The following MTSS2 variants were observed in gnomAD, a reference collection of about 807,000 sequenced individuals.
MTSS2 encodes protein MTSS 2.
A neutral mutation model predicts 67.1 loss-of-function variants in MTSS2; 27 were observed. That is an observed-to-expected ratio of 0.40 (90% CI 0.30 to 0.55). MTSS2 has a LOEUF of 0.55. Among genes scored for constraint, MTSS2 ranks in the 20% least tolerant of loss-of-function variants. The pLI is 0.43. For synonymous variants in MTSS2, 624 were observed against 468.6 expected (o/e 1.33, Z -4.28); for missense variants, 1,171 against 1,067.8 (o/e 1.10, Z -1.35).
chr16:70,664,502 A>C, intron 14 of MTSS2, 53 bp from the exon 15 acceptor site: 1 of 1,549,804 alleles, frequency 6.5e-7, no homozygotes, highest in South Asian at 1.2e-5. Flanking sequence ...CCTTGCCCCC[A>C]GCCCACCAGG....
In MTSS2 at chr16:70,663,852, T is replaced by C; in HGVS notation, c.2069A>G (p.Glu690Gly). 1 of 1,539,426 alleles carries C rather than the reference T, an allele frequency of 6.5e-7. No individual in the cohort carries two copies. Among genetic ancestry groups the C allele is most frequent in the Non-Finnish European group, 8.7e-7 (1 of 1,144,950 alleles). The change falls in exon 15 of 15, where the codon GAG becomes GGG. Residue 690 changes from glutamate to glycine, a missense_variant. Glu to Gly is a moderately conservative substitution (Grantham distance 98). Around this residue, in one of 2 missense-constraint regions of MTSS2, gnomAD observed 924 missense variants for 756.0 expected, o/e 1.22. Transcript: ENST00000338779. ...AGCAGTGGGGAAGGGGAACTGGCCCTCACCCAGTGCGTGGGCACCCGCCAC... is the reference window on the plus strand; with the variant it reads ...AGCAGTGGGGAAGGGGAACTGGCCCCCACCCAGTGCGTGGGCACCCGCCAC... Reference protein sequence around the residue: ...ELVAGAHALGEGQFPFPTALS... With the variant: ...ELVAGAHALGGGQFPFPTALS...
intron 11 of MTSS2, among the ~76,000 whole-genome samples, chr16:70,667,169 G>A (rs2052744792): frequency 6.6e-6 from 1 of 151,416 alleles, no homozygotes; most frequent in South Asian, 2.1e-4. Context: ...TACACAGGAA[G>A]CTGAGGCAGG....
chr16:70,681,516 G>A (rs116601370), intron 1 of MTSS2, among the ~76,000 whole-genome samples: 1 of 152,178 alleles, frequency 6.6e-6, no homozygotes, highest in African/African-American at 2.4e-5. Flanking sequence ...GGTGTAGACT[G>A]GGGCCTCCGG....
chr16:70,675,433 C>CCCA (rs2053086682), intron 10 of MTSS2, among the ~76,000 whole-genome samples: 1 of 152,136 alleles, frequency 6.6e-6, no homozygotes. Context: ...ACAATGACAA[C>CCCA]AAAACCCAAA....
In MTSS2 at chr16:70,685,815, C is replaced by T; in HGVS notation, c.-24G>A. On this transcript the variant is annotated 5_prime_UTR_variant, in exon 1 of 15. Coordinates refer to ENST00000338779, the MANE Select transcript of MTSS2 (RefSeq NM_138383.3). ...ATGCTCTGGCTGGGCCGGGCCGCGGCGGCGGCTAGGCGCACGGAGCGCGGG... is the reference window on the plus strand; with the variant it reads ...ATGCTCTGGCTGGGCCGGGCCGCGGTGGCGGCTAGGCGCACGGAGCGCGGG... 2.4e-6 allele frequency: 3 copies of T among 1,270,396 alleles called. No individual in the cohort carries two copies. Among genetic ancestry groups the T allele is most frequent in the South Asian group, 1.6e-5 (1 of 60,732 alleles). The allele number at this position is 1,270,396 out of a possible 1,614,324, so 78.7% of individuals were successfully genotyped here.
At position 70,663,558 on chromosome 16, in the gene MTSS2, T is replaced by C. The variant is rs1165797681; in HGVS notation, c.*119A>G. 7.0e-7 allele frequency: 1 copy of C among 1,424,272 alleles called. No homozygotes were observed. The highest frequency in any genetic ancestry group is 1.5e-5 in the African/African-American group (1 of 68,770). The allele number at this position is 1,424,272 out of a possible 1,614,324, so 88.2% of individuals were successfully genotyped here. A position where few individuals can be genotyped will look rare whatever the true frequency, so the allele number is the denominator to read the frequency against. On this transcript the variant is annotated 3_prime_UTR_variant, in exon 15 of 15. Transcript: ENST00000338779. Reference sequence around the variant, plus strand: ...TGAGGTGTCTTTCCATAAAGTGGCATGGCCTCTGCCCTGGCTCTGTCCTCT... The same window carrying C: ...TGAGGTGTCTTTCCATAAAGTGGCACGGCCTCTGCCCTGGCTCTGTCCTCT...
chr16:70,665,196 C>G (rs755162045), intron 12 of MTSS2, 100 bp from the exon 13 acceptor site: 1 of 1,360,154 alleles, frequency 7.4e-7, no homozygotes, highest in Non-Finnish European at 9.8e-7. Context: ...CCAGGGCTAT[C>G]AGGGGGTCTC....
Position 70,664,676 on chromosome 16 carries a change from C to T in MTSS2, c.1393G>A (p.Asp465Asn). The change falls in exon 14 of 15, where the codon GAC becomes AAC. Residue 465 changes from aspartate to asparagine, a missense_variant. By Grantham distance (23) the Asp-to-Asn change is conservative. Around this residue, in one of 2 missense-constraint regions of MTSS2, gnomAD observed 924 missense variants for 756.0 expected, o/e 1.22. Coordinates refer to ENST00000338779, the MANE Select transcript of MTSS2 (RefSeq NM_138383.3). ...LSLEHQKSSR[D>N]SLQYSSGYST... ...TAGCCGCTGGAGTACTGCAGCGAGT[C>T]CCGGCTGCTCTTCTGGTGCTCCAGG... 4 of 1,613,354 alleles carry T rather than the reference C, an allele frequency of 2.5e-6. No homozygotes were observed. The highest frequency in any genetic ancestry group is 3.4e-6 in the Non-Finnish European group (4 of 1,179,898).
intron 1 of MTSS2, among the ~76,000 whole-genome samples, chr16:70,684,175 G>T (rs1295527914): frequency 2.6e-5 from 4 of 152,112 alleles, no homozygotes; most frequent in African/African-American, 9.7e-5. Flanking sequence ...TGGGTGGTGG[G>T]GTGCGGGAAG....
At chr16:70,679,940 GC>G in intron 4 of MTSS2, 30 bp downstream of exon 4, 6 of 573,662 alleles carry the variant, frequency 1.0e-5, no homozygotes, top group South Asian at 3.4e-5. Context: ...CCGTCCCCCC[GC>G]CCCCCTGCCC....
intron 10 of MTSS2, 67 bp from the exon 11 acceptor site, chr16:70,674,595 G>T (rs1163672684): frequency 1.4e-6 from 2 of 1,430,916 alleles, no homozygotes; most frequent in African/African-American, 2.8e-5. Context: ...GTTTGGGGGA[G>T]GTTGACAAAC....
rs80045606 is a variant in MTSS2 at position 70,662,739 on chromosome 16, C to T, written c.*938G>A. The T allele has an allele frequency of 6.8e-3, 1,042 of 152,776 alleles. 7 individuals are homozygous for T. The highest frequency in any genetic ancestry group is 9.9e-3 in the Non-Finnish European group (677 of 68,074). 9.5% of individuals were successfully genotyped at this position (152,776 alleles called of 1,614,324 possible). On this transcript the variant is annotated 3_prime_UTR_variant, in exon 15 of 15. Transcript: ENST00000338779. ...CTCCCCCACACTTAGTCCTCGTCCA[C>T]AGTCAGCTCCATTTTATTATATTCA... is the stretch of plus-strand genomic sequence containing the variant.
At position 70,661,348 on chromosome 16, in the gene MTSS2, A is replaced by G. The variant is rs1421918252; in HGVS notation, c.*2329T>C. ...TTTTTCCAAAATCTGACGGAAAGAA[A>G]AGAAACAAATGGTTCAGATGGGACG... On this transcript the variant is annotated 3_prime_UTR_variant, in exon 15 of 15. Transcript: ENST00000338779. 2.9e-5 allele frequency: 13 copies of G among 446,224 alleles called. No individual in the cohort carries two copies. The Admixed American group carries it at 3.1e-4, about 11-fold the overall frequency. The allele number at this position is 446,224 out of a possible 1,614,324, so 27.6% of individuals were successfully genotyped here.
In MTSS2 at chr16:70,662,147, C is replaced by G. The variant is rs2052502872; in HGVS notation, c.*1530G>C. ...CTGCCCAGCTCACCGCACAAGAACTCCCAGGAGCTCAAGCCTGGGAGGCTC... is the reference window on the plus strand; with the variant it reads ...CTGCCCAGCTCACCGCACAAGAACTGCCAGGAGCTCAAGCCTGGGAGGCTC... On this transcript the variant is annotated 3_prime_UTR_variant, in exon 15 of 15. Coordinates refer to ENST00000338779, the MANE Select transcript of MTSS2 (RefSeq NM_138383.3). 6.6e-6 allele frequency: 1 copy of G among 152,140 alleles called. No homozygotes were observed. Among genetic ancestry groups the G allele is most frequent in the Non-Finnish European group, 1.5e-5 (1 of 68,096 alleles). 9.4% of individuals were successfully genotyped at this position (152,140 alleles called of 1,614,324 possible).
intron 10 of MTSS2, among the ~76,000 whole-genome samples, chr16:70,675,445 A>C (rs2053087310): frequency 6.6e-6 from 1 of 152,130 alleles, no homozygotes; most frequent in Non-Finnish European, 1.5e-5. Flanking sequence ...AAACCCAAAA[A>C]ACCCACCAAA....
rs62050284 is a variant in MTSS2, at chr16:70,662,912, T to G, written c.*765A>C. 6.6e-6 allele frequency: 1 copy of G among 152,352 alleles called. No individual in the cohort carries two copies. The highest frequency in any genetic ancestry group is 2.4e-5 in the African/African-American group (1 of 41,438). The allele number at this position is 152,352 out of a possible 1,614,324, so 9.4% of individuals were successfully genotyped here. A position where few individuals can be genotyped will look rare whatever the true frequency, so the allele number is the denominator to read the frequency against. ...GTGGCTGGCCGGTGACCCCAGGGCC[T>G]CCGGCCTCCTAACCCTGCTGCCCTA... On this transcript the variant is annotated 3_prime_UTR_variant, in exon 15 of 15. Transcript: ENST00000338779.
chr16:70,679,593 CGTGGGGCT>C, intron 6 of MTSS2, 29 bp downstream of exon 6: 2 of 1,562,454 alleles, frequency 1.3e-6, no homozygotes, highest in Non-Finnish European at 1.7e-6. Flanking sequence ...GGAGCGGGGC[CGTGGGGCT>C]GTGGCTGGGG....
Position 70,680,730 on chromosome 16 carries a change from C to T in MTSS2, c.205+64G>A. 3 of 1,441,176 alleles carry T rather than the reference C, an allele frequency of 2.1e-6. No individual in the cohort carries two copies. In the South Asian group the frequency reaches 3.7e-5, roughly 18 times the overall value. The allele number at this position is 1,441,176 out of a possible 1,614,324, so 89.3% of individuals were successfully genotyped here. A position where few individuals can be genotyped will look rare whatever the true frequency, so the allele number is the denominator to read the frequency against. On this transcript the variant is annotated intron_variant, in intron 3 of 14. Transcript: ENST00000338779. Reference sequence around the variant, plus strand: ...TCCTTTCCCTGGCCCATCCCCTACTCTTCCTTTCCAGCCTCCAGGCCCACC... The same window carrying T: ...TCCTTTCCCTGGCCCATCCCCTACTTTTCCTTTCCAGCCTCCAGGCCCACC...
At chr16:70,675,109 GA>G (rs113047682) in intron 10 of MTSS2, among the ~76,000 whole-genome samples, 150 of 137,450 alleles carry the variant, frequency 1.1e-3, no homozygotes, top group Middle Eastern at 4.1e-3. Context: ...GCTCTGTCTT[GA>G]AAAAAAAAAA....
Sources: gnomAD v4.1 joint callset for allele counts (sites outside exome capture counted in the v4.1 genomes callset) on GRCh38, gnomAD v4.1.1 for gene constraint, gnomAD v4.1.1 regional missense constraint, MANE v1.5 for transcripts, NCBI Gene and HGNC (gene_info 2026-07-23, HGNC 2026-07-21) for gene names.